MRPS35: variants seen among roughly 807,000 people sequenced by gnomAD.
MRPS35 encodes mitochondrial ribosomal protein S35.
MRPS35 carries 29 observed loss-of-function variants against 32.7 expected under a neutral mutation model. That is an observed-to-expected ratio of 0.89 (90% CI 0.66 to 1.21). MRPS35 has a LOEUF of 1.21. Among genes scored for constraint, MRPS35 ranks in the 50% most tolerant of loss-of-function variants. The probability of loss-of-function intolerance (pLI) is 0.00; values close to 1 mark genes in which losing one functional copy is unlikely to be tolerated. For missense variants in MRPS35, 373 were observed against 383.8 expected, an observed-to-expected ratio of 0.97 and a Z score of 0.23; for synonymous variants, 148 against 139.3, an observed-to-expected ratio of 1.06 and a Z score of -0.44.
chr12:27,750,018 A>T (rs910460344), intron 7 of MRPS35, among the ~76,000 whole-genome samples: 2 of 152,206 alleles, frequency 1.3e-5, no homozygotes, highest in African/African-American at 4.8e-5. Context: ...CTGCATCTGT[A>T]ATTTAGAAAC....
chr12:27,736,859 A>G (rs2061944896), intron 6 of MRPS35, among the ~76,000 whole-genome samples: 1 of 152,098 alleles, frequency 6.6e-6, no homozygotes, highest in Admixed American at 6.6e-5. Context: ...TCATCTTTCT[A>G]TATCTACTTC....
intron 5 of MRPS35, among the ~76,000 whole-genome samples, chr12:27,729,221 G>A (rs1160384400): frequency 6.6e-6 from 1 of 152,018 alleles, no homozygotes; most frequent in Non-Finnish European, 1.5e-5. Context: ...GACACAAGAT[G>A]GTTCAGGCTC....
At chr12:27,714,151 C>T (rs182184793) in intron 1 of MRPS35, among the ~76,000 whole-genome samples, 6 of 151,220 alleles carry the variant, frequency 4.0e-5, no homozygotes, top group Admixed American at 6.6e-5. Context: ...GACTAGGTTT[C>T]GTTCCCTGCT....
rs1029217299 is a variant in MRPS35, at chr12:27,733,644, AT to A, written c.523-1797del. 7.6e-4 allele frequency among the ~76,000 whole-genome samples: 115 copies of A among 152,238 alleles called. 1 individual carries two copies. The highest frequency in any genetic ancestry group is 2.7e-3 in the African/African-American group (113 of 41,556). On this transcript the variant is annotated intron_variant, in intron 5 of 7. Coordinates refer to ENST00000081029, the MANE Select transcript of MRPS35 (RefSeq NM_021821.4). Reference sequence around the variant, plus strand: ...CATAATCATAATAAAGGTATATTTTATTTTTTGTAAAAAATTCTTCATATTG... The same window carrying A: ...CATAATCATAATAAAGGTATATTTTATTTTTGTAAAAAATTCTTCATATTG...
intron 6 of MRPS35, among the ~76,000 whole-genome samples, chr12:27,736,945 T>G (rs1479661062): frequency 1.3e-5 from 2 of 152,228 alleles, no homozygotes; most frequent in African/African-American, 4.8e-5. Flanking sequence ...GGCACAGTCA[T>G]AGCTCACTGA....
intron 7 of MRPS35, among the ~76,000 whole-genome samples, chr12:27,748,435 AGTG>A (rs935094061): frequency 6.9e-5 from 7 of 101,916 alleles, no homozygotes; most frequent in East Asian, 3.1e-4. Flanking sequence ...GAAAAAGAAA[AGTG>A]GTGTGTGTGT....
At chr12:27,727,138 T>G (rs1406335791) in intron 5 of MRPS35, among the ~76,000 whole-genome samples, 5 of 151,954 alleles carry the variant, frequency 3.3e-5, no homozygotes, top group Non-Finnish European at 7.4e-5. Context: ...TTTTTTGTAT[T>G]TTTAGTAGAG....
chr12:27,755,335 C>T lies in MRPS35; in HGVS notation c.857C>T (p.Thr286Ile). The change falls in exon 8 of 8, where the codon ACT becomes ATT. Residue 286 changes from threonine (T) to isoleucine (I), a missense_variant. Coordinates refer to ENST00000081029, the MANE Select transcript of MRPS35 (RefSeq NM_021821.4). ...MEINKEELLG[T>I]KEIEEYKKSV... is the part of the protein sequence containing the mutation. The stretch of plus-strand genomic sequence containing the variant: ...ATAAATAAAGAAGAGCTCCTTGGTA[C>T]TAAAGAAATTGAAGAGTACAAAAAG... The T allele has an allele frequency of 6.2e-7, 1 of 1,610,518 alleles. No individual in the cohort carries two copies. The highest frequency in any genetic ancestry group is 8.5e-7 in the Non-Finnish European group (1 of 1,179,310).
At chr12:27,748,438 G>GCTGTGTGT (rs148534082) in intron 7 of MRPS35, among the ~76,000 whole-genome samples, 97 of 146,078 alleles carry the variant, frequency 6.6e-4, no homozygotes, top group African/African-American at 2.3e-3. Flanking sequence ...AAAGAAAAGT[G>GCTGTGTGT]GTGTGTGTGT....
intron 5 of MRPS35, among the ~76,000 whole-genome samples, chr12:27,724,719 G>C (rs562195251): frequency 6.6e-6 from 1 of 152,054 alleles, no homozygotes; most frequent in Non-Finnish European, 1.5e-5. Context: ...CTCCAACCTG[G>C]GTGACAGAGC....
chr12:27,755,354 C>T lies in MRPS35; in HGVS notation c.876C>T (p.Tyr292=), dbSNP rs764417141. Residue 292 remains tyrosine (Y), a synonymous_variant, in exon 8 of 8, where the codon TAC becomes TAT. Transcript: ENST00000081029. The part of the protein sequence containing the change: ...ELLGTKEIEE[Y]KKSVVSLKNE... ...TTGGTACTAAAGAAATTGAAGAGTA[C>T]AAAAAGTCTGTTGTTAGTCTTAAAA... The T allele has an allele frequency of 1.4e-5, 23 of 1,607,472 alleles. No homozygotes were observed. The highest frequency in any genetic ancestry group is 2.0e-5 in the Non-Finnish European group (23 of 1,178,556).
At chr12:27,727,973 C>A (rs2061907000) in intron 5 of MRPS35, among the ~76,000 whole-genome samples, 1 of 152,060 alleles carries the variant, frequency 6.6e-6, no homozygotes, top group African/African-American at 2.4e-5. Flanking sequence ...AGTTGTTATA[C>A]TGTATTTTAA....
intron 3 of MRPS35, among the ~76,000 whole-genome samples, chr12:27,716,862 G>A (rs749763970): frequency 1.3e-4 from 20 of 152,224 alleles, no homozygotes; most frequent in Non-Finnish European, 2.6e-4. Flanking sequence ...GTGGTGGTGG[G>A]CACCTGTAAT....
At chr12:27,747,725 A>T (rs1222648614) in intron 7 of MRPS35, among the ~76,000 whole-genome samples, 2 of 152,166 alleles carry the variant, frequency 1.3e-5, no homozygotes, top group African/African-American at 4.8e-5. Context: ...TGTTCAGTGG[A>T]GCAGATATTT....
Position 27,714,839 on chromosome 12 carries a change from C to G in MRPS35, c.153+19C>G, listed in dbSNP as rs2061843382. The stretch of plus-strand genomic sequence containing the variant: ...AAGAAAGGTAAAAAGTTCGTATACT[C>G]TACTATCTTAATGGTTTCTGGAGTT... On this transcript the variant is annotated intron_variant, in intron 2 of 7. Transcript: ENST00000081029. The G allele has an allele frequency of 1.9e-6, 3 of 1,603,154 alleles. No individual in the cohort carries two copies. Among genetic ancestry groups the G allele is most frequent in the Non-Finnish European group, 8.5e-7 (1 of 1,171,324 alleles).
intron 1 of MRPS35, among the ~76,000 whole-genome samples, chr12:27,712,094 C>G (rs572221139): frequency 6.6e-6 from 1 of 151,888 alleles, no homozygotes; most frequent in Admixed American, 6.6e-5. Flanking sequence ...ACAGGATGGT[C>G]AGGAAAGATC....
At chr12:27,737,735 T>C in intron 7 of MRPS35, 127 bp downstream of exon 7, 1 of 703,388 alleles carries the variant, frequency 1.4e-6, no homozygotes, top group Non-Finnish European at 2.4e-6. Flanking sequence ...TAAGTATGTA[T>C]GAAATGTCAT....
intron 7 of MRPS35, among the ~76,000 whole-genome samples, chr12:27,753,342 GT>G (rs2140787141): frequency 6.6e-6 from 1 of 152,060 alleles, no homozygotes; most frequent in Non-Finnish European, 1.5e-5. Flanking sequence ...TCTGAGCAGG[GT>G]TTGCTGACTC....
intron 7 of MRPS35, among the ~76,000 whole-genome samples, chr12:27,754,558 G>C (rs1373941831): frequency 6.6e-6 from 1 of 151,746 alleles, no homozygotes; most frequent in Non-Finnish European, 1.5e-5. Flanking sequence ...CTTGAGCCCA[G>C]GAGTTTGAGA....
Sources: allele counts gnomAD v4.1 joint callset (sites outside exome capture counted in the v4.1 genomes callset), GRCh38; gene constraint gnomAD v4.1.1; transcripts MANE v1.5; gene names NCBI Gene and HGNC (gene_info 2026-07-23, HGNC 2026-07-21).